HS2ST1: variants seen among roughly 807,000 people sequenced by gnomAD.
HS2ST1 encodes the protein 2-O-sulfotransferase.
Under a neutral mutation model 42.9 loss-of-function variants are expected in HS2ST1, and 18 were observed. The ratio of observed to expected loss-of-function variants is 0.42; its 90% CI spans 0.29 to 0.62. HS2ST1 has a LOEUF of 0.62. HS2ST1 is among the 20% of genes least tolerant of loss of function. The pLI, the probability that HS2ST1 is intolerant of heterozygous loss-of-function variation, is 0.21. For synonymous variants in HS2ST1, 146 were observed against 152.9 expected (o/e 0.95, Z 0.33); for missense variants, 334 against 433.8 (o/e 0.77, Z 2.04).
chr1:87,077,022 A>G (rs1651562891), intron 2 of HS2ST1, among the ~76,000 whole-genome samples: 2 of 152,208 alleles, frequency 1.3e-5, no homozygotes, highest in South Asian at 2.1e-4. Flanking sequence ...TATAATGTGT[A>G]TGCTAATCAC....
intron 1 of HS2ST1, among the ~76,000 whole-genome samples, chr1:87,020,469 C>G (rs1384558832): frequency 2.0e-5 from 3 of 152,188 alleles, no homozygotes; most frequent in African/African-American, 7.2e-5. Flanking sequence ...ACTTTTATCT[C>G]AAAAGGAGCA....
At chr1:87,040,050 T>G (rs1356962415) in intron 1 of HS2ST1, among the ~76,000 whole-genome samples, 1 of 152,182 alleles carries the variant, frequency 6.6e-6, no homozygotes, top group African/African-American at 2.4e-5. Context: ...CAAAAGTAGT[T>G]TCCTTTTAAT....
At chr1:87,027,582 C>T (rs1193761971) in intron 1 of HS2ST1, among the ~76,000 whole-genome samples, 1 of 152,186 alleles carries the variant, frequency 6.6e-6, no homozygotes, top group Non-Finnish European at 1.5e-5. Flanking sequence ...TTTTGTAATA[C>T]AGTCCACATG....
At chr1:86,963,764 G>A (rs1226322408) in intron 1 of HS2ST1, among the ~76,000 whole-genome samples, 1 of 133,240 alleles carries the variant, frequency 7.5e-6, no homozygotes, top group African/African-American at 2.9e-5. Context: ...CCACCTCCCG[G>A]ACGGGGCAGC....
intron 1 of HS2ST1, among the ~76,000 whole-genome samples, chr1:86,993,882 C>G (rs1327630426): frequency 6.6e-6 from 1 of 152,088 alleles, no homozygotes; most frequent in East Asian, 1.9e-4. Context: ...TATGGGAACA[C>G]ATATTTACTA....
rs542373925 is a variant in HS2ST1 at position 87,070,180 on chromosome 1, A to G, written c.125-2754A>G. Among the ~76,000 whole-genome samples the G allele has an allele frequency of 1.2e-3, 179 of 152,364 alleles. 1 individual carries two copies. Among genetic ancestry groups the G allele is most frequent in the African/African-American group, 4.0e-3 (168 of 41,586 alleles). ...CTCTCACGCTTCTGTCAGCGCTTAA[A>G]TGCCAACACCACTGTTGTATTTCCC... On this transcript the variant is annotated intron_variant, in intron 1 of 6. Coordinates refer to ENST00000370550, the MANE Select transcript of HS2ST1 (RefSeq NM_012262.4).
chr1:86,937,764 CT>C lies in HS2ST1; in HGVS notation c.124+22613del, dbSNP rs912392590. On this transcript the variant is annotated intron_variant, in intron 1 of 6. Coordinates refer to ENST00000370550, the MANE Select transcript of HS2ST1 (RefSeq NM_012262.4). ...CCCTTTCTAATCTGAGCTAATCAGT[CT>C]TTTTTTTTCTTTTTTTTCTGGTAGC... Among the ~76,000 whole-genome samples, 217 of 150,928 alleles carry C rather than the reference CT, an allele frequency of 1.4e-3. 1 individual carries two copies. The highest frequency in any genetic ancestry group is 5.0e-3 in the African/African-American group (206 of 41,184).
chr1:87,022,839 A>G (rs1649986216), intron 1 of HS2ST1, among the ~76,000 whole-genome samples: 1 of 152,248 alleles, frequency 6.6e-6, no homozygotes, highest in Non-Finnish European at 1.5e-5. Context: ...AAAATCTTCC[A>G]TATTGGAAAG....
chr1:86,992,952 A>C, intron 1 of HS2ST1: 3 of 914,920 alleles, frequency 3.3e-6, no homozygotes, highest in Non-Finnish European at 3.2e-6. Flanking sequence ...GAAACTTAGC[A>C]AGGCCTGTTT....
At chr1:87,011,761 G>C (rs1397247618) in intron 1 of HS2ST1, among the ~76,000 whole-genome samples, 1 of 152,042 alleles carries the variant, frequency 6.6e-6, no homozygotes, top group Non-Finnish European at 1.5e-5. Context: ...TTTCTTATTT[G>C]GTAGCACTAC....
intron 1 of HS2ST1, among the ~76,000 whole-genome samples, chr1:86,995,348 A>G (rs1220129360): frequency 6.6e-6 from 1 of 152,212 alleles, no homozygotes; most frequent in Non-Finnish European, 1.5e-5. Flanking sequence ...AGCTCTGATG[A>G]ATATTAATAA....
At position 86,915,084 on chromosome 1, in the gene HS2ST1, G is replaced by A. The variant is rs1186462359; in HGVS notation, c.48G>A (p.Ala16=). ...TGCCGCCCAAGTTGCAGCTGCTGGC[G>A]GTGGTGGCCTTCGCGGTGGCGATGC... The part of the protein sequence containing the change: ...IMMPPKLQLL[A]VVAFAVAMLF... The change falls in exon 1 of 7, where the codon GCG becomes GCA. Residue 16 remains alanine, a synonymous_variant. Transcript: ENST00000370550. The A allele has an allele frequency of 3.7e-6, 6 of 1,614,072 alleles. No individual in the cohort carries two copies. The African/African-American group carries it at 6.7e-5, about 18-fold the overall frequency.
chr1:87,090,953 C>T (rs950966325), intron 3 of HS2ST1, among the ~76,000 whole-genome samples: 5 of 151,902 alleles, frequency 3.3e-5, no homozygotes, highest in African/African-American at 1.2e-4. Flanking sequence ...GTGATGTCTT[C>T]CCAAAAAACA....
chr1:86,954,349 CA>C (rs1010326200), intron 1 of HS2ST1, among the ~76,000 whole-genome samples: 7 of 146,396 alleles, frequency 4.8e-5, no homozygotes, highest in African/African-American at 7.6e-5. Flanking sequence ...ACTCTGTCTC[CA>C]AAAAAAAAGG....
chr1:87,041,230 A>G (rs889104792), intron 1 of HS2ST1, among the ~76,000 whole-genome samples: 1 of 61,344 alleles, frequency 1.6e-5, no homozygotes, highest in Non-Finnish European at 3.6e-5. Context: ...TCTACTAAAA[A>G]AAAAAAAAAA....
At chr1:87,042,887 G>A (rs74815236) in intron 1 of HS2ST1, among the ~76,000 whole-genome samples, 2,924 of 152,030 alleles carry the variant, frequency 0.019, 94 homozygotes, top group African/African-American at 0.067. Context: ...TTTTGTTTAC[G>A]AGCTTTACAC....
chr1:86,977,179 T>C (rs1483395173), intron 1 of HS2ST1, among the ~76,000 whole-genome samples: 1 of 152,186 alleles, frequency 6.6e-6, no homozygotes, highest in Admixed American at 6.5e-5. Flanking sequence ...TGCAGTTCTT[T>C]TCAGGCTAAT....
chr1:87,003,020 C>T (rs182679509), intron 1 of HS2ST1, among the ~76,000 whole-genome samples: 1 of 152,348 alleles, frequency 6.6e-6, no homozygotes, highest in Non-Finnish European at 1.5e-5. Flanking sequence ...GCCCTATCTA[C>T]TTGTATAAGC....
chr1:86,951,928 T>G (rs1038130883), intron 1 of HS2ST1, among the ~76,000 whole-genome samples: 1 of 152,212 alleles, frequency 6.6e-6, no homozygotes, highest in African/African-American at 2.4e-5. Flanking sequence ...CCTCATTTGT[T>G]CAAGTTTTGT....
Sources: allele counts gnomAD v4.1 joint callset (sites outside exome capture counted in the v4.1 genomes callset), GRCh38; gene constraint gnomAD v4.1.1; transcripts MANE v1.5; gene names NCBI Gene and HGNC (gene_info 2026-07-23, HGNC 2026-07-21).